The following DHX29 variants were observed in gnomAD, a reference collection of about 807,000 sequenced individuals.
DHX29 encodes DExH-box helicase 29.
A neutral mutation model predicts 167.9 loss-of-function variants in DHX29; 79 were observed. The observed-to-expected ratio is 0.47, with a 90% CI of 0.39 to 0.57. The LOEUF (loss-of-function observed/expected upper bound fraction) is 0.57, where lower values mean the gene tolerates loss of function less well. Among genes scored for constraint, DHX29 ranks in the 20% least tolerant of loss-of-function variants. The pLI, the probability that DHX29 is intolerant of heterozygous loss-of-function variation, is 0.00. For missense variants in DHX29, 1,347 were observed against 1,593.4 expected (o/e 0.85, Z 2.63); for synonymous variants, 530 against 546.0 (o/e 0.97, Z 0.41).
In DHX29 at chr5:55,307,474, C is replaced by G. The variant is rs765357778; in HGVS notation, c.100G>C (p.Gly34Arg). 30 of 1,613,450 alleles carry G rather than the reference C, an allele frequency of 1.9e-5. No homozygotes were observed. The highest frequency in any genetic ancestry group is 2.3e-5 in the Non-Finnish European group (27 of 1,179,978). ...RAKSAEAGIAGEAQSKKPVSR... is the reference protein window; with the variant it reads ...RAKSAEAGIAREAQSKKPVSR... ...ACTGGCTTCTTGCTTTGGGCCTCCCCGGCAATTCCAGCCTCGGCAGATTTG... is the reference window on the plus strand; with the variant it reads ...ACTGGCTTCTTGCTTTGGGCCTCCCGGGCAATTCCAGCCTCGGCAGATTTG... The change falls in exon 1 of 27, where the codon GGG becomes CGG. Residue 34 changes from glycine to arginine, a missense_variant. By Grantham distance (125) the Gly-to-Arg change is moderately radical. Around this residue, in one of 3 missense-constraint regions of DHX29, gnomAD observed 405 missense variants for 416.8 expected, o/e 0.97. Transcript: ENST00000251636.
chr5:55,297,128 T>C (rs1748364550), intron 3 of DHX29, among the ~76,000 whole-genome samples, 157 bp downstream of exon 3: 1 of 152,186 alleles, frequency 6.6e-6, no homozygotes, highest in East Asian at 1.9e-4. Flanking sequence ...TGTACCTTCT[T>C]GATTTAAGGT....
rs1343030549 is a variant in DHX29 at position 55,272,157 on chromosome 5, T to C, written c.2794A>G (p.Ile932Val). 1 of 1,579,452 alleles carries C rather than the reference T, an allele frequency of 6.3e-7. No homozygotes were observed. The highest frequency in any genetic ancestry group is 1.9e-5 in the Admixed American group (1 of 53,886). The change falls in exon 18 of 27, where the codon ATT (isoleucine) becomes GTT (valine). Residue 932 changes from isoleucine (I) to valine (V), a missense_variant. Ile to Val is a conservative substitution (Grantham distance 29, BLOSUM62 3). Transcript: ENST00000251636. ...GGAATAGTGATACCCGTCTCTGCAA[T>C]ATTGGTTGCTAAAACAATCTGAAAA... Reference protein sequence around the residue: ...GVRKIVLATNIAETGITIPDV... With the variant: ...GVRKIVLATNVAETGITIPDV...
intron 16 of DHX29, among the ~76,000 whole-genome samples, chr5:55,274,313 G>A (rs1316136507): frequency 6.6e-6 from 1 of 152,034 alleles, no homozygotes; most frequent in Non-Finnish European, 1.5e-5. Flanking sequence ...TGGGAGGATT[G>A]TTTGAGCCCA....
chr5:55,303,602 G>A (rs534149306), intron 1 of DHX29, among the ~76,000 whole-genome samples: 1 of 152,254 alleles, frequency 6.6e-6, no homozygotes, highest in African/African-American at 2.4e-5. Flanking sequence ...CATTGAACTT[G>A]CTCTGGCTCC....
intron 21 of DHX29, among the ~76,000 whole-genome samples, chr5:55,268,200 T>G (rs1386539623): frequency 6.6e-6 from 1 of 152,220 alleles, no homozygotes; most frequent in Non-Finnish European, 1.5e-5. Flanking sequence ...CTAACTCAGT[T>G]ATCTTGGCCT....
intron 2 of DHX29, 146 bp downstream of exon 2, chr5:55,298,444 CT>C (rs1748427971): frequency 1.6e-5 from 9 of 558,666 alleles, no homozygotes; most frequent in Non-Finnish European, 3.0e-5. Context: ...GTATGATTTA[CT>C]TATTTTTAGT....
chr5:55,307,654 G>C lies in DHX29; in HGVS notation c.-81C>G. The stretch of plus-strand genomic sequence containing the variant: ...CAGCCGAGAGCTCTTCACATTCCCC[G>C]GCTCCGGGGCTGCCACCCTGCGCTT... On this transcript the variant is annotated 5_prime_UTR_variant, in exon 1 of 27. Transcript: ENST00000251636. 1 of 1,530,236 alleles carries C rather than the reference G, an allele frequency of 6.5e-7. No individual in the cohort carries two copies. Among genetic ancestry groups the C allele is most frequent in the Non-Finnish European group, 8.8e-7 (1 of 1,131,620 alleles). 94.8% of individuals were successfully genotyped at this position (1,530,236 alleles called of 1,614,324 possible).
chr5:55,293,964 T>G, intron 6 of DHX29, 53 bp downstream of exon 6: 1 of 1,562,250 alleles, frequency 6.4e-7, no homozygotes, highest in South Asian at 1.2e-5. Flanking sequence ...GAAAAGGAAA[T>G]ATATCTTGCT....
rs2111892268 is a variant in DHX29, at chr5:55,283,065, G to GA, written c.1965+137dup. ...CTATCACATCTATCAAAGAAAATGT[G>GA]AAAAGTGCCTGAAATGTGCTACTGA... On this transcript the variant is annotated intron_variant, in intron 11 of 26. Transcript: ENST00000251636. The GA allele has an allele frequency of 4.6e-6, 4 of 877,526 alleles. No individual in the cohort carries two copies. The East Asian group carries it at 1.1e-4, about 23-fold the overall frequency. 54.4% of individuals were successfully genotyped at this position (877,526 alleles called of 1,614,324 possible).
intron 2 of DHX29, among the ~76,000 whole-genome samples, chr5:55,297,894 T>A (rs1190775828): frequency 6.6e-6 from 1 of 152,240 alleles, no homozygotes; most frequent in Admixed American, 6.5e-5. Context: ...TACTAGCCAT[T>A]TTATTTTCTG....
At chr5:55,295,843 A>G (rs1748294975) in intron 4 of DHX29, among the ~76,000 whole-genome samples, 2 of 152,218 alleles carry the variant, frequency 1.3e-5, no homozygotes, top group South Asian at 4.1e-4. Flanking sequence ...TAGTATCCTT[A>G]GTCACCACAA....
intron 20 of DHX29, 106 bp from the exon 21 acceptor site, chr5:55,269,743 G>T: frequency 1.1e-6 from 1 of 898,584 alleles, no homozygotes; most frequent in Non-Finnish European, 1.7e-6. Context: ...TTTGAGCAAA[G>T]AGGGTAAAAT....
At chr5:55,256,607 A>G in intron 26 of DHX29, 67 bp from the exon 27 acceptor site, 5 of 1,478,980 alleles carry the variant, frequency 3.4e-6, no homozygotes, top group East Asian at 2.3e-5. Flanking sequence ...AGGTATGCAC[A>G]TGTAAATAAG....
In DHX29 at chr5:55,268,874, C is replaced by G. The variant is rs369103501; in HGVS notation, c.3294+539G>C. On this transcript the variant is annotated intron_variant, in intron 21 of 26. Coordinates refer to ENST00000251636, the MANE Select transcript of DHX29 (RefSeq NM_019030.4). Reference sequence around the variant, plus strand: ...CAAAGCTGGTAGTGTTCAAAGCTTCCTAAGAATCATCCACTACATATTCCA... The same window carrying G: ...CAAAGCTGGTAGTGTTCAAAGCTTCGTAAGAATCATCCACTACATATTCCA... Among the ~76,000 whole-genome samples the G allele has an allele frequency of 2.6e-5, 4 of 152,188 alleles. No individual in the cohort carries two copies. The East Asian group carries it at 7.7e-4, about 29-fold the overall frequency.
rs532145870 is a variant in DHX29 at position 55,277,210 on chromosome 5, G to T, written c.2182C>A (p.Leu728Ile). The change falls in exon 13 of 27, where the codon CTA becomes ATA. Residue 728 changes from leucine to isoleucine, a missense_variant. This residue lies in a region of DHX29 where 882 missense variants were observed against 1,082.4 expected (regional missense o/e 0.81). Coordinates refer to ENST00000251636, the MANE Select transcript of DHX29 (RefSeq NM_019030.4). ...LKEILQKRSD[L>I]HLILMSATVD... is the part of the protein sequence containing the mutation. Reference sequence around the variant, plus strand: ...GTGGCACTCATTAGAATCAAGTGTAGATCAGAACGTTTCTGTAAAATTTCC... The same window carrying T: ...GTGGCACTCATTAGAATCAAGTGTATATCAGAACGTTTCTGTAAAATTTCC... 1.9e-6 allele frequency: 3 copies of T among 1,611,506 alleles called. No homozygotes were observed. Among genetic ancestry groups the T allele is most frequent in the Non-Finnish European group, 2.5e-6 (3 of 1,177,852 alleles).
At chr5:55,293,908 C>A in intron 6 of DHX29, 109 bp downstream of exon 6, 1 of 1,228,792 alleles carries the variant, frequency 8.1e-7, no homozygotes. Context: ...CACATCAACC[C>A]CTTGGAGGTA....
At chr5:55,301,794 A>G (rs184119348) in intron 1 of DHX29, among the ~76,000 whole-genome samples, 6 of 152,152 alleles carry the variant, frequency 3.9e-5, no homozygotes, top group Admixed American at 2.6e-4. Flanking sequence ...CCTTAAAATA[A>G]GAAGTATTTT....
At chr5:55,280,786 A>G (rs1455087716) in intron 12 of DHX29, among the ~76,000 whole-genome samples, 1 of 152,172 alleles carries the variant, frequency 6.6e-6, no homozygotes, top group East Asian at 1.9e-4. Flanking sequence ...CTATTGTCCT[A>G]GAATCACACA....
intron 20 of DHX29, among the ~76,000 whole-genome samples, chr5:55,270,063 G>C (rs900344760): frequency 6.6e-6 from 1 of 151,954 alleles, no homozygotes; most frequent in Non-Finnish European, 1.5e-5. Flanking sequence ...CAGATGTTTA[G>C]GAGTATCCCA....
Sources: allele counts gnomAD v4.1 joint callset (sites outside exome capture counted in the v4.1 genomes callset), GRCh38; gene constraint gnomAD v4.1.1; regional missense constraint gnomAD v4.1.1; transcripts MANE v1.5; gene names NCBI Gene and HGNC (gene_info 2026-07-23, HGNC 2026-07-21).